The following CABIN1 variants were observed in gnomAD, a reference collection of about 807,000 sequenced individuals.
CABIN1 encodes calcineurin binding protein 1.
A neutral mutation model predicts 227.7 loss-of-function variants in CABIN1; 133 were observed. The ratio of observed to expected loss-of-function variants is 0.58; its 90% CI spans 0.51 to 0.67. CABIN1 has a LOEUF of 0.67. Among genes scored for constraint, CABIN1 ranks in the 30% least tolerant of loss-of-function variants. The pLI is 0.00. For synonymous variants in CABIN1, 1,086 were observed against 1,155.1 expected, an observed-to-expected ratio of 0.94 and a Z score of 1.21; for missense variants, 2,408 against 2,852.5, an observed-to-expected ratio of 0.84 and a Z score of 3.55.
chr22:24,107,509 A>C (rs2147655215), intron 26 of CABIN1, among the ~76,000 whole-genome samples: 1 of 152,194 alleles, frequency 6.6e-6, no homozygotes, highest in South Asian at 2.1e-4. Context: ...TTATTTTAAG[A>C]GTCTCAGCAG....
At chr22:24,046,134 G>A (rs758046755) in intron 6 of CABIN1, among the ~76,000 whole-genome samples, 5 of 151,858 alleles carry the variant, frequency 3.3e-5, no homozygotes, top group Non-Finnish European at 5.9e-5. Context: ...AGCGTGTAGC[G>A]TGTGCTTTCC....
At chr22:24,151,720 C>T (rs1428899362) in intron 29 of CABIN1, among the ~76,000 whole-genome samples, 1 of 152,198 alleles carries the variant, frequency 6.6e-6, no homozygotes, top group African/African-American at 2.4e-5. Context: ...CTTCTCTGCC[C>T]AATCTGTTCC....
At chr22:24,018,856 A>G (rs2035492341) in intron 1 of CABIN1, among the ~76,000 whole-genome samples, 1 of 152,142 alleles carries the variant, frequency 6.6e-6, no homozygotes, top group Non-Finnish European at 1.5e-5. Flanking sequence ...ACTTGGGAAG[A>G]ACTGACATCT....
intron 31 of CABIN1, 43 bp downstream of exon 31, chr22:24,165,669 C>A: frequency 6.6e-7 from 1 of 1,524,248 alleles, no homozygotes; most frequent in Non-Finnish European, 9.0e-7. Flanking sequence ...CCCATGAACA[C>A]GCTTCCAAGC....
intron 6 of CABIN1, among the ~76,000 whole-genome samples, chr22:24,045,685 CTTAG>C (rs1016298981): frequency 3.3e-5 from 5 of 152,138 alleles, no homozygotes; most frequent in South Asian, 2.1e-4. Context: ...CACTTTCTGT[CTTAG>C]TTAGTTCATG....
intron 8 of CABIN1, among the ~76,000 whole-genome samples, chr22:24,053,068 T>C (rs2038479307): frequency 6.7e-6 from 1 of 150,260 alleles, no homozygotes; most frequent in South Asian, 2.1e-4. Flanking sequence ...TTTTTTCTTT[T>C]TTCTTTTTTC....
intron 30 of CABIN1, among the ~76,000 whole-genome samples, chr22:24,164,905 G>T (rs1183403194): frequency 6.6e-6 from 1 of 152,166 alleles, no homozygotes; most frequent in African/African-American, 2.4e-5. Context: ...TCAGAAGATA[G>T]CTGTGGTTCC....
intron 1 of CABIN1, among the ~76,000 whole-genome samples, chr22:24,016,902 GT>G (rs1462375583): frequency 1.3e-5 from 2 of 152,010 alleles, no homozygotes; most frequent in South Asian, 4.2e-4. Flanking sequence ...TTTTTCATAT[GT>G]TTTAGAGCTA....
At chr22:24,057,763 A>G (rs2146325785) in intron 10 of CABIN1, among the ~76,000 whole-genome samples, 1 of 152,342 alleles carries the variant, frequency 6.6e-6, no homozygotes, top group Non-Finnish European at 1.5e-5. Context: ...TGTTCTCAGT[A>G]CTTGACGCAG....
Position 24,166,720 on chromosome 22 carries a change from G to A in CABIN1, c.5089G>A (p.Glu1697Lys). 6.2e-7 allele frequency: 1 copy of A among 1,612,856 alleles called. No individual in the cohort carries two copies. The change falls in exon 32 of 37, where the codon GAG (glutamate) becomes AAG (lysine). Residue 1697 changes from glutamate (E) to lysine (K), a missense_variant. Glu to Lys is a moderately conservative substitution (Grantham distance 56). Coordinates refer to ENST00000263119, the MANE Select transcript of CABIN1 (RefSeq NM_012295.4). ...CGATGTCTCACACAAGGCCAGTCCTGAGGATGGCCAGGAGGGCCTCCCCCA... is the reference window on the plus strand; with the variant it reads ...CGATGTCTCACACAAGGCCAGTCCTAAGGATGGCCAGGAGGGCCTCCCCCA... ...TTDVSHKASPEDGQEGLPQPK... is the reference protein window; with the variant it reads ...TTDVSHKASPKDGQEGLPQPK...
At chr22:24,090,453 C>G (rs1238820105) in intron 23 of CABIN1, among the ~76,000 whole-genome samples, 2 of 152,118 alleles carry the variant, frequency 1.3e-5, no homozygotes, top group East Asian at 3.9e-4. Context: ...CCGTGTTTGA[C>G]CCTGCACTGT....
chr22:24,133,202 A>G (rs979277919), intron 28 of CABIN1, among the ~76,000 whole-genome samples: 3 of 152,188 alleles, frequency 2.0e-5, no homozygotes, highest in Non-Finnish European at 4.4e-5. Context: ...AGCAGCCCTC[A>G]GTCCCTACAG....
At chr22:24,174,558 G>A (rs1052956916) in intron 34 of CABIN1, among the ~76,000 whole-genome samples, 3 of 152,136 alleles carry the variant, frequency 2.0e-5, no homozygotes, top group Non-Finnish European at 4.4e-5. Context: ...GTCTTGCCTT[G>A]TACCAGTCCC....
intron 15 of CABIN1, 56 bp from the exon 16 acceptor site, chr22:24,066,931 G>T: frequency 6.5e-7 from 1 of 1,540,980 alleles, no homozygotes; most frequent in Non-Finnish European, 9.0e-7. Flanking sequence ...GGCCAGATTT[G>T]GTGGGGCAGG....
intron 19 of CABIN1, among the ~76,000 whole-genome samples, chr22:24,079,780 T>G (rs2040688473): frequency 6.6e-6 from 1 of 152,202 alleles, no homozygotes; most frequent in Admixed American, 6.5e-5. Context: ...TGCAGTTTTT[T>G]TCTTAAGGTA....
intron 23 of CABIN1, among the ~76,000 whole-genome samples, chr22:24,090,463 T>C (rs978959054): frequency 1.1e-4 from 16 of 152,014 alleles, no homozygotes; most frequent in Non-Finnish European, 2.1e-4. Context: ...CCCTGCACTG[T>C]GATGCTTTCC....
At chr22:24,029,499 C>T (rs1307958401) in intron 1 of CABIN1, among the ~76,000 whole-genome samples, 1 of 151,956 alleles carries the variant, frequency 6.6e-6, no homozygotes, top group Non-Finnish European at 1.5e-5. Context: ...CTGCAGTGAG[C>T]TGAGGTGAGA....
chr22:24,116,059 C>T (rs910842712), intron 27 of CABIN1, among the ~76,000 whole-genome samples: 4 of 152,176 alleles, frequency 2.6e-5, no homozygotes, highest in Non-Finnish European at 4.4e-5. Context: ...GGACCAGCCT[C>T]CTTCCTTTAA....
chr22:24,055,842 G>T (rs2038752518), intron 9 of CABIN1, among the ~76,000 whole-genome samples: 1 of 152,162 alleles, frequency 6.6e-6, no homozygotes, highest in African/African-American at 2.4e-5. Flanking sequence ...TACTGGGTAG[G>T]GTCATAGCCA....
Sources: gnomAD v4.1 joint callset for allele counts (sites outside exome capture counted in the v4.1 genomes callset) on GRCh38, gnomAD v4.1.1 for gene constraint, MANE v1.5 for transcripts, NCBI Gene and HGNC (gene_info 2026-07-23, HGNC 2026-07-21) for gene names.